Variants in FAM53A observed in about 807,000 individuals in gnomAD.
The protein encoded by FAM53A is protein FAM53A.
In FAM53A, 28 loss-of-function variants were observed where a neutral mutation model predicts 26.6. The observed-to-expected ratio is 1.05, with a 90% CI of 0.78 to 1.45. The LOEUF (loss-of-function observed/expected upper bound fraction) is 1.45, where lower values mean the gene tolerates loss of function less well. Ranked by LOEUF, FAM53A falls within the 40% of genes most tolerant of loss-of-function variation. FAM53A has a pLI of 0.00. For synonymous variants in FAM53A, 290 were observed against 253.1 expected (o/e 1.15, Z -1.38); for missense variants, 650 against 575.8 (o/e 1.13, Z -1.32).
Position 1,633,780 on chromosome 4 carries a change from G to A in FAM53A, c.432-15669C>T, listed in dbSNP as rs561863048. ...ATTGAAAGTGACAGCTAATGCATTC[G>A]ATATTCCTCACAAAACTGACCATTC... On this transcript the variant is annotated intron_variant, in intron 1 of 1. Coordinates refer to the FAM53A transcript ENST00000489029. Among the ~76,000 whole-genome samples the A allele has an allele frequency of 3.3e-5, 5 of 152,108 alleles. No homozygotes were observed. In the South Asian group the frequency reaches 8.3e-4, roughly 25 times the overall value.
chr4:1,655,997 C>T (rs932596216), intron 3 of FAM53A, among the ~76,000 whole-genome samples: 5 of 152,180 alleles, frequency 3.3e-5, no homozygotes, highest in Admixed American at 3.3e-4. Context: ...CTGAGAACAA[C>T]CGCACGGCTC....
chr4:1,666,316 C>A, intron 2 of FAM53A, among the ~76,000 whole-genome samples: 1 of 135,786 alleles, frequency 7.4e-6, no homozygotes, highest in Non-Finnish European at 1.6e-5. Context: ...CACCTGCACC[C>A]CCTGTATCTA....
the FAM53A span, among the ~76,000 whole-genome samples, chr4:1,594,251 C>G: frequency 1.4e-4 from 22 of 152,342 alleles, no homozygotes; most frequent in Admixed American, 1.3e-3. Flanking sequence ...AACCGATTCA[C>G]AGGTCACCAG....
chr4:1,673,847 C>T (rs1386231995), intron 1 of FAM53A, among the ~76,000 whole-genome samples: 1 of 152,268 alleles, frequency 6.6e-6, no homozygotes, highest in Non-Finnish European at 1.5e-5. Context: ...GCGGGAGGCG[C>T]ATGCAGCGCG....
rs763696115 is a variant in FAM53A at position 1,641,598 on chromosome 4, T to C, written c.892A>G (p.Asn298Asp). The C allele has an allele frequency of 6.2e-7, 1 of 1,614,114 alleles. No individual in the cohort carries two copies. The highest frequency in any genetic ancestry group is 1.6e-4 in the Middle Eastern group (1 of 6,062). The change falls in exon 5 of 5, where the codon AAT (asparagine) becomes GAT (aspartate). Residue 298 changes from asparagine to aspartate, a missense_variant. Physicochemically the swap from Asn to Asp is conservative, Grantham distance 23 (BLOSUM62 1). Coordinates refer to ENST00000308132, the MANE Select transcript of FAM53A (RefSeq NM_001174070.3). ...DFLKMTQTLK[N>D]SKSLCSLNYE... ...TTGAGGGAGCAAAGGCTTTTTGAAT[T>C]TTTTAAAGTCTGCAATAGAAAAGAT...
chr4:1,638,703 C>A (rs1715961153), downstream of FAM53A, among the ~76,000 whole-genome samples: 1 of 152,160 alleles, frequency 6.6e-6, no homozygotes, highest in Non-Finnish European at 1.5e-5. Flanking sequence ...TGACTGCACA[C>A]GTAAACCCCA....
the FAM53A span, among the ~76,000 whole-genome samples, chr4:1,593,857 C>A: frequency 2.0e-5 from 3 of 152,160 alleles, no homozygotes; most frequent in Non-Finnish European, 2.9e-5. Flanking sequence ...TTTTACTGAT[C>A]TTTTTAAGGG....
intron 1 of FAM53A, among the ~76,000 whole-genome samples, chr4:1,621,641 G>A (rs897272766): frequency 2.0e-5 from 3 of 152,314 alleles, no homozygotes; most frequent in East Asian, 3.9e-4. Flanking sequence ...CCCAGGTCAC[G>A]GAGGCAGTGC....
chr4:1,622,157 G>C (rs576837984), intron 1 of FAM53A, among the ~76,000 whole-genome samples: 1 of 152,166 alleles, frequency 6.6e-6, no homozygotes, highest in Admixed American at 6.5e-5. Flanking sequence ...CCCTGTTCAC[G>C]ATCAGTTACC....
chr4:1,579,564 T>C, the FAM53A span, among the ~76,000 whole-genome samples: 1 of 152,146 alleles, frequency 6.6e-6, no homozygotes, highest in African/African-American at 2.4e-5. Flanking sequence ...GCAGCCTCTG[T>C]GTGACCAGGG....
chr4:1,642,919 C>A (rs983259652), intron 4 of FAM53A, among the ~76,000 whole-genome samples: 1 of 152,322 alleles, frequency 6.6e-6, no homozygotes, highest in South Asian at 2.1e-4. Context: ...GGCACAGGGG[C>A]GCCATGATGC....
the FAM53A span, among the ~76,000 whole-genome samples, chr4:1,604,614 C>T: frequency 2.0e-5 from 3 of 152,068 alleles, no homozygotes; most frequent in East Asian, 1.9e-4. Context: ...GTGCTGGGAC[C>T]GCATGACCAC....
rs754811174 is a variant in FAM53A, at chr4:1,659,754, T to G, written c.76-2286A>C. 2.0e-5 allele frequency among the ~76,000 whole-genome samples: 3 copies of G among 152,172 alleles called. No individual in the cohort carries two copies. Among genetic ancestry groups the G allele is most frequent in the Admixed American group, 6.5e-5 (1 of 15,282 alleles). Reference sequence around the variant, plus strand: ...TCAAGGGACAGGCAGATTCAGTGTCTGGTAAGGCCACCTCCTGGTTCACAG... The same window carrying G: ...TCAAGGGACAGGCAGATTCAGTGTCGGGTAAGGCCACCTCCTGGTTCACAG... On this transcript the variant is annotated intron_variant, in intron 2 of 4. Coordinates refer to ENST00000308132, the MANE Select transcript of FAM53A (RefSeq NM_001174070.3). The surrounding 1 kb of genome is among the most constrained non-coding windows in gnomAD (Gnocchi z 5.2).
At chr4:1,618,256 C>T in intron 1 of FAM53A, 2 of 421,956 alleles carry the variant, frequency 4.7e-6, no homozygotes, top group Non-Finnish European at 9.6e-6. Context: ...CAGGCTGTGG[C>T]CCCCAGGTGG....
At chr4:1,618,963 C>A (rs1159412394) in intron 1 of FAM53A, among the ~76,000 whole-genome samples, 2 of 152,226 alleles carry the variant, frequency 1.3e-5, no homozygotes, top group African/African-American at 4.8e-5. Context: ...TCAACCTGCA[C>A]CCAACCCAGC....
chr4:1,657,557 A>T, intron 2 of FAM53A, 89 bp from the exon 3 acceptor site: 1 of 1,083,274 alleles, frequency 9.2e-7, no homozygotes, highest in East Asian at 2.5e-5. Flanking sequence ...AGCACGTTCT[A>T]CCTTTCCCCA....
At chr4:1,685,839 T>C (rs936617405), upstream of FAM53A, among the ~76,000 whole-genome samples, 2 of 152,110 alleles carry the variant, frequency 1.3e-5, no homozygotes, top group Non-Finnish European at 2.9e-5. Flanking sequence ...CAGAAGAGGA[T>C]GAGGGCACCT....
chr4:1,587,852 C>T, the FAM53A span, among the ~76,000 whole-genome samples: 831 of 152,000 alleles, frequency 5.5e-3, 2 homozygotes, highest in Non-Finnish European at 8.2e-3. Context: ...ATTTTATAAC[C>T]GTAGGCAATT....
intron 1 of FAM53A, among the ~76,000 whole-genome samples, chr4:1,622,979 G>A (rs139709375): frequency 6.6e-6 from 1 of 152,366 alleles, no homozygotes; most frequent in African/African-American, 2.4e-5. Flanking sequence ...ACAGATGGAG[G>A]CAACCTACGA....
Sources: allele counts gnomAD v4.1 joint callset (sites outside exome capture counted in the v4.1 genomes callset), GRCh38; gene constraint gnomAD v4.1.1; non-coding constraint Gnocchi (gnomAD v3.1); transcripts MANE v1.5; gene names NCBI Gene and HGNC (gene_info 2026-07-23, HGNC 2026-07-21).